The following CUL9 variants were observed in gnomAD, a reference collection of about 807,000 sequenced individuals.
The protein encoded by CUL9 is cullin-9.
Under a neutral mutation model 272.6 loss-of-function variants are expected in CUL9, and 79 were observed. The observed-to-expected ratio is 0.29, with a 90% CI of 0.24 to 0.35. CUL9 has a LOEUF of 0.35. Among genes scored for constraint, CUL9 ranks in the 10% least tolerant of loss-of-function variants. CUL9 has a pLI of 1.00. For missense variants in CUL9, 2,532 were observed against 3,255.6 expected (o/e 0.78, Z 5.41); for synonymous variants, 1,186 against 1,286.5 (o/e 0.92, Z 1.67).
rs901445384 is a variant in CUL9, at chr6:43,218,452, G to A, written c.6282+1949G>A. ...AGGATGGTCTCGATCTCCTGACCTC[G>A]TGATCCACCCACCTCAGCCTCCCAA... On this transcript the variant is annotated intron_variant, in intron 31 of 40. Coordinates refer to ENST00000252050, the MANE Select transcript of CUL9 (RefSeq NM_015089.4). The surrounding 1 kb of genome is among the most constrained non-coding windows in gnomAD (Gnocchi z 4.4). Among the ~76,000 whole-genome samples, 3 of 152,030 alleles carry A rather than the reference G, an allele frequency of 2.0e-5. No homozygotes were observed. The highest frequency in any genetic ancestry group is 4.4e-5 in the Non-Finnish European group (3 of 68,018).
Position 43,186,448 on chromosome 6 carries a change from C to G in CUL9, c.1244C>G (p.Pro415Arg). ...CGGCAGAGCAACAACGGCATTCCCC[C>G]TGTGCAGGTGGGCAGCACATGGTGG... ...EFRQSNNGIP[P>R]VQVFWQSTGR... Residue 415 changes from proline to arginine, a missense_variant, in exon 4 of 41, where the codon CCT becomes CGT. By Grantham distance (103) the Pro-to-Arg change is moderately radical. This residue lies in a region of CUL9 where 2,218 missense variants were observed against 2,788.6 expected (regional missense o/e 0.80). Coordinates refer to ENST00000252050, the MANE Select transcript of CUL9 (RefSeq NM_015089.4). The G allele has an allele frequency of 6.3e-7, 1 of 1,589,834 alleles. No individual in the cohort carries two copies. The highest frequency in any genetic ancestry group is 8.6e-7 in the Non-Finnish European group (1 of 1,163,558).
chr6:43,222,331 C>T lies in CUL9; in HGVS notation c.6862C>T (p.Arg2288Cys), dbSNP rs745811353. 6.8e-6 allele frequency: 11 copies of T among 1,613,928 alleles called. No individual in the cohort carries two copies. In the Admixed American group the frequency reaches 8.3e-5, roughly 12 times the overall value. The change falls in exon 36 of 41, where the codon CGC (arginine) becomes TGC (cysteine). Residue 2288 changes from arginine (R) to cysteine (C), a missense_variant. Transcript: ENST00000252050. ...TCCTTGCTAGGTAAGCAAGGCAGCT[C>T]GCCAGGAGAAGCGGTTTCAGGACTA... ...NCSAMVSKAARQEKRFQDYNE... is the reference protein window; with the variant it reads ...NCSAMVSKAACQEKRFQDYNE...
In CUL9 at chr6:43,198,864, C is replaced by T. The variant is rs774325188; in HGVS notation, c.3050+9C>T. The T allele has an allele frequency of 2.5e-6, 4 of 1,611,110 alleles. No individual in the cohort carries two copies. The highest frequency in any genetic ancestry group is 1.1e-5 in the South Asian group (1 of 91,050). ...CTGCTGTCTGTGCTGAGGTGAGGGG[C>T]CTGTTGAGGCACCATGCATTGGGAC... On this transcript the variant is annotated intron_variant, in intron 12 of 40. Coordinates refer to ENST00000252050, the MANE Select transcript of CUL9 (RefSeq NM_015089.4).
At chr6:43,205,559 G>A (rs985083466) in intron 24 of CUL9, 136 bp downstream of exon 24, 73 of 1,004,924 alleles carry the variant, frequency 7.3e-5, no homozygotes, top group Middle Eastern at 5.8e-4. Context: ...GGCCAGGCGC[G>A]GTGGCTCACG....
Position 43,187,704 on chromosome 6 carries a change from T to C in CUL9, c.1582-9T>C. 1 of 1,611,280 alleles carries C rather than the reference T, an allele frequency of 6.2e-7. No homozygotes were observed. Among genetic ancestry groups the C allele is most frequent in the Non-Finnish European group, 8.5e-7 (1 of 1,179,336 alleles). On this transcript the variant is annotated splice_polypyrimidine_tract_variant and intron_variant, in intron 6 of 40. Transcript: ENST00000252050. ...TTGTCTCTTAAACGTATACCCCTTC[T>C]GTTGACAGACCCTGGGTGAAAAGGC...
intron 8 of CUL9, among the ~76,000 whole-genome samples, chr6:43,191,939 A>G (rs1582312356): frequency 6.8e-6 from 1 of 146,094 alleles, no homozygotes; most frequent in Admixed American, 6.9e-5. Context: ...CTTATACACC[A>G]CCCTTATCTC....
chr6:43,193,259 T>A, intron 9 of CUL9, 51 bp downstream of exon 9: 1 of 1,543,598 alleles, frequency 6.5e-7, no homozygotes, highest in Non-Finnish European at 8.9e-7. Flanking sequence ...ACAGGCAGAC[T>A]GGGGACTACT....
intron 4 of CUL9, 181 bp from the exon 5 acceptor site, chr6:43,186,779 C>T (rs1772956451): frequency 1.4e-6 from 1 of 725,774 alleles, no homozygotes; most frequent in Non-Finnish European, 2.2e-6. Flanking sequence ...AGGCAGGGCC[C>T]ACTCCTGATA....
chr6:43,203,438 C>T lies in CUL9; in HGVS notation c.3871C>T (p.Arg1291Trp). The change falls in exon 19 of 41, where the codon CGG becomes TGG. Residue 1291 changes from arginine (R) to tryptophan (W), a missense_variant. Physicochemically the swap from Arg to Trp is moderately radical, Grantham distance 101. Coordinates refer to ENST00000252050, the MANE Select transcript of CUL9 (RefSeq NM_015089.4). The surrounding 1 kb of genome is among the most constrained non-coding windows in gnomAD (Gnocchi z 5.0). ...CQQGGIDTRV[R>W]GVEVLGPKPT... ...CCAGGGCGGCATTGACACCCGGGTT[C>T]GGGGTGTGGAGGTCCTGGGCCCTAA... is the stretch of plus-strand genomic sequence containing the variant. The T allele has an allele frequency of 1.2e-6, 2 of 1,614,056 alleles. No homozygotes were observed. The highest frequency in any genetic ancestry group is 8.5e-7 in the Non-Finnish European group (1 of 1,180,006).
At position 43,200,351 on chromosome 6, in the gene CUL9, G is replaced by C; in HGVS notation, c.3385-85G>C. 1 of 1,607,600 alleles carries C rather than the reference G, an allele frequency of 6.2e-7. No individual in the cohort carries two copies. Among genetic ancestry groups the C allele is most frequent in the Non-Finnish European group, 8.5e-7 (1 of 1,174,730 alleles). ...GGAGTTGAGTATACCGTTGACCCTT[G>C]ACTTTTTCTCTCTACCTGTTTCTGG... is the stretch of plus-strand genomic sequence containing the variant. On this transcript the variant is annotated intron_variant, in intron 14 of 40. Transcript: ENST00000252050. This position sits in a 1 kb window ranked among gnomAD's most constrained non-coding sequence, Gnocchi z 4.0.
At chr6:43,215,037 C>T in intron 29 of CUL9, 42 bp from the exon 30 acceptor site, 1 of 1,547,188 alleles carries the variant, frequency 6.5e-7, no homozygotes, top group Non-Finnish European at 8.7e-7. Context: ...CAGCCTGCTC[C>T]CTACATAAAA....
At chr6:43,188,183 A>G (rs917173038) in intron 7 of CUL9, 65 bp downstream of exon 7, 19 of 1,578,382 alleles carry the variant, frequency 1.2e-5, no homozygotes, top group Non-Finnish European at 1.6e-5. Flanking sequence ...GAAGAAATGG[A>G]TAGTCAGGAT....
Position 43,221,509 on chromosome 6 carries a change from C to A in CUL9, c.6753-176C>A. 2.3e-6 allele frequency: 2 copies of A among 876,928 alleles called. No individual in the cohort carries two copies. Among genetic ancestry groups the A allele is most frequent in the Non-Finnish European group, 3.4e-6 (2 of 580,572 alleles). 54.3% of individuals were successfully genotyped at this position (876,928 alleles called of 1,614,324 possible). On this transcript the variant is annotated intron_variant, in intron 34 of 40. Transcript: ENST00000252050. The surrounding 1 kb of genome is among the most constrained non-coding windows in gnomAD (Gnocchi z 4.2). ...TCCTTCTCCCACTCGTAAGTCCACACTGACTGGGGGAGTTCAAAAGCAGAG... is the reference window on the plus strand; with the variant it reads ...TCCTTCTCCCACTCGTAAGTCCACAATGACTGGGGGAGTTCAAAAGCAGAG...
intron 11 of CUL9, chr6:43,198,227 C>T: frequency 2.0e-6 from 2 of 984,530 alleles, no homozygotes; most frequent in Non-Finnish European, 2.4e-6. Flanking sequence ...GGTGACAGCG[C>T]TCTGTGTATT....
chr6:43,206,746 T>A lies in CUL9; in HGVS notation c.5212+236T>A, dbSNP rs1775077066. Among the ~76,000 whole-genome samples the A allele has an allele frequency of 6.6e-6, 1 of 152,376 alleles. No individual in the cohort carries two copies. Among genetic ancestry groups the A allele is most frequent in the African/African-American group, 2.4e-5 (1 of 41,592 alleles). The stretch of plus-strand genomic sequence containing the variant: ...CTTCAAGTGAGGTGCTTATTTGATT[T>A]TTAGTCTTTTCAGACTTTTTTCCAA... On this transcript the variant is annotated intron_variant, in intron 26 of 40. Transcript: ENST00000252050. This position sits in a 1 kb window ranked among gnomAD's most constrained non-coding sequence, Gnocchi z 4.8.
chr6:43,186,506 G>T (rs369488724), intron 4 of CUL9, 51 bp downstream of exon 4: 13 of 1,542,722 alleles, frequency 8.4e-6, no homozygotes, highest in Non-Finnish European at 1.1e-5. Context: ...TTGGGGTGGG[G>T]TGTAGCTGGG....
chr6:43,221,970 C>T lies in CUL9; in HGVS notation c.6846+192C>T. The T allele has an allele frequency of 1.6e-6, 1 of 607,760 alleles. No individual in the cohort carries two copies. The highest frequency in any genetic ancestry group is 2.9e-6 in the Non-Finnish European group (1 of 345,558). 37.6% of individuals were successfully genotyped at this position (607,760 alleles called of 1,614,324 possible). A position where few individuals can be genotyped will look rare whatever the true frequency, so the allele number is the denominator to read the frequency against. ...AAAGTCTGTTCACAGGGACCTTCAGCTCCAGAACAGGACTTCTCATACCGA... is the reference window on the plus strand; with the variant it reads ...AAAGTCTGTTCACAGGGACCTTCAGTTCCAGAACAGGACTTCTCATACCGA... On this transcript the variant is annotated intron_variant, in intron 35 of 40. Coordinates refer to ENST00000252050, the MANE Select transcript of CUL9 (RefSeq NM_015089.4). This position sits in a 1 kb window ranked among gnomAD's most constrained non-coding sequence, Gnocchi z 4.2.
intron 8 of CUL9, 31 bp downstream of exon 8, chr6:43,188,746 G>A: frequency 6.5e-7 from 1 of 1,543,034 alleles, no homozygotes. Context: ...AGAGGTTTTG[G>A]TTGAAGCTGT....
At chr6:43,186,936 C>G (rs201998696) in intron 4 of CUL9, 24 bp from the exon 5 acceptor site, 3 of 1,612,426 alleles carry the variant, frequency 1.9e-6, no homozygotes, top group African/African-American at 2.7e-5. Context: ...CTATTCTGCT[C>G]TCTTTCTTCC....
Sources: allele counts gnomAD v4.1 joint callset (sites outside exome capture counted in the v4.1 genomes callset), GRCh38; gene constraint gnomAD v4.1.1; regional missense constraint gnomAD v4.1.1; non-coding constraint Gnocchi (gnomAD v3.1); transcripts MANE v1.5; gene names NCBI Gene and HGNC (gene_info 2026-07-23, HGNC 2026-07-21).